The following SYT1 variants were observed in gnomAD, a reference collection of about 807,000 sequenced individuals.
SYT1 encodes the protein synaptotagmin 1.
In SYT1, 8 loss-of-function variants were observed where a neutral mutation model predicts 44.8. The observed-to-expected ratio is 0.18, with a 90% CI of 0.10 to 0.32. The LOEUF (loss-of-function observed/expected upper bound fraction) is 0.32. SYT1 is among the 10% of genes least tolerant of loss of function. The pLI is 1.00. For missense variants in SYT1, 286 were observed against 509.3 expected, an observed-to-expected ratio of 0.56 and a Z score of 4.22; for synonymous variants, 154 against 188.8, an observed-to-expected ratio of 0.82 and a Z score of 1.51.
chr12:78,967,853 G>A (rs547089445), intron 1 of SYT1, among the ~76,000 whole-genome samples: 13 of 152,252 alleles, frequency 8.5e-5, no homozygotes, highest in South Asian at 2.1e-4. Context: ...AAAATACACT[G>A]AAGTAGAACA....
At chr12:78,971,018 G>A (rs995127827) in intron 1 of SYT1, among the ~76,000 whole-genome samples, 1 of 152,134 alleles carries the variant, frequency 6.6e-6, no homozygotes, top group African/African-American at 2.4e-5. Flanking sequence ...CAAAAAGTTA[G>A]CAGGGTGTGA....
At chr12:79,004,862 C>G (rs966467844) in intron 2 of SYT1, among the ~76,000 whole-genome samples, 1 of 152,082 alleles carries the variant, frequency 6.6e-6, no homozygotes, top group Middle Eastern at 3.4e-3. Context: ...ATAGCTAACT[C>G]TAAGATCCTT....
intron 10 of SYT1, among the ~76,000 whole-genome samples, chr12:79,448,092 A>G (rs1870834766): frequency 6.6e-6 from 1 of 152,184 alleles, no homozygotes; most frequent in Admixed American, 6.5e-5. Flanking sequence ...TAAAAAGTAT[A>G]TATTTTATAC....
chr12:78,945,676 T>A (rs11112001), intron 1 of SYT1, among the ~76,000 whole-genome samples: 23,705 of 152,002 alleles, frequency 0.16, 2,151 homozygotes, highest in East Asian at 0.3. Context: ...GTTATGCTTC[T>A]TTACTAATGT....
chr12:78,905,213 A>G (rs2137109851), intron 1 of SYT1, among the ~76,000 whole-genome samples: 1 of 152,318 alleles, frequency 6.6e-6, no homozygotes, highest in Admixed American at 6.5e-5. Context: ...ATGATTTTAA[A>G]GAGATTAATT....
At chr12:79,293,646 G>A (rs932446759) in intron 6 of SYT1, among the ~76,000 whole-genome samples, 2 of 152,136 alleles carry the variant, frequency 1.3e-5, no homozygotes, top group Non-Finnish European at 2.9e-5. Context: ...TGCTGTGAGA[G>A]CTCTAAGCAG....
At chr12:79,439,019 A>C (rs1870251304) in intron 9 of SYT1, among the ~76,000 whole-genome samples, 1 of 152,220 alleles carries the variant, frequency 6.6e-6, no homozygotes, top group African/African-American at 2.4e-5. Flanking sequence ...TCACTCCAAC[A>C]ACCAATACAT....
chr12:79,450,797 T>A lies in SYT1; in HGVS notation c.*1673T>A, dbSNP rs1871015434. ...ATAGAATGGGGTGGAACACAGCATT[T>A]TGTCAAGCACTGTGCAATATTCCAT... On this transcript the variant is annotated 3_prime_UTR_variant, in exon 11 of 11. Transcript: ENST00000261205. 6.6e-6 allele frequency: 1 copy of A among 152,654 alleles called. No homozygotes were observed. Among genetic ancestry groups the A allele is most frequent in the Admixed American group, 6.5e-5 (1 of 15,286 alleles). 9.5% of individuals were successfully genotyped at this position (152,654 alleles called of 1,614,324 possible). A position where few individuals can be genotyped will look rare whatever the true frequency, so the allele number is the denominator to read the frequency against.
chr12:79,220,235 T>C (rs918161129), intron 4 of SYT1, among the ~76,000 whole-genome samples: 2 of 152,112 alleles, frequency 1.3e-5, no homozygotes, highest in African/African-American at 2.4e-5. Context: ...CCATGAGCCT[T>C]TGCATTTCTA....
chr12:78,922,796 T>C (rs2137168486), intron 1 of SYT1, among the ~76,000 whole-genome samples: 1 of 152,120 alleles, frequency 6.6e-6, no homozygotes, highest in South Asian at 2.1e-4. Flanking sequence ...TAAAGGAGTG[T>C]TCTTTTCAGT....
intron 5 of SYT1, 50 bp downstream of exon 5, chr12:79,286,021 CAAATGT>C: frequency 1.3e-6 from 2 of 1,543,536 alleles, no homozygotes; most frequent in Non-Finnish European, 1.7e-6. Flanking sequence ...AAAAGATAAA[CAAATGT>C]ATTATTTTAT....
chr12:79,030,596 A>G (rs759110418), intron 2 of SYT1, among the ~76,000 whole-genome samples: 6 of 150,948 alleles, frequency 4.0e-5, no homozygotes, highest in Non-Finnish European at 8.9e-5. Flanking sequence ...TTCCCACTCC[A>G]TCTTCTGGAT....
At chr12:78,890,051 A>C (rs1383935240) in intron 1 of SYT1, among the ~76,000 whole-genome samples, 4 of 151,986 alleles carry the variant, frequency 2.6e-5, no homozygotes, top group Non-Finnish European at 4.4e-5. Flanking sequence ...AAAAAAGTTC[A>C]AATTTTATGG....
In SYT1 at chr12:79,237,091, ACTAGCGT is replaced by A. The variant is rs1876234332; in HGVS notation, c.166+19407_166+19413del. Among the ~76,000 whole-genome samples, 3 of 152,344 alleles carry A rather than the reference ACTAGCGT, an allele frequency of 2.0e-5. No homozygotes were observed. The South Asian group carries it at 6.2e-4, about 32-fold the overall frequency. ...GCAGGACAGAGAGAACTGAAGGAACACTAGCGTGAGATAATGAAAGACTAAATTGCTA... is the reference window on the plus strand; with the variant it reads ...GCAGGACAGAGAGAACTGAAGGAACAGAGATAATGAAAGACTAAATTGCTA... On this transcript the variant is annotated intron_variant, in intron 4 of 10. Transcript: ENST00000261205.
chr12:79,131,207 A>G (rs1868797051), intron 3 of SYT1, among the ~76,000 whole-genome samples: 1 of 151,878 alleles, frequency 6.6e-6, no homozygotes, highest in African/African-American at 2.4e-5. Context: ...ATAGGTATAC[A>G]TGTGCCATGG....
At chr12:79,301,779 ATTT>A (rs1254199727) in intron 8 of SYT1, among the ~76,000 whole-genome samples, 1 of 152,032 alleles carries the variant, frequency 6.6e-6, no homozygotes, top group African/African-American at 2.4e-5. Context: ...GGAAATATTA[ATTT>A]TATCATTACA....
At chr12:79,146,966 G>A (rs1049538756) in intron 3 of SYT1, among the ~76,000 whole-genome samples, 1 of 151,988 alleles carries the variant, frequency 6.6e-6, no homozygotes, top group Non-Finnish European at 1.5e-5. Flanking sequence ...TCAGCCTCCT[G>A]ATTAGCTGGG....
intron 3 of SYT1, among the ~76,000 whole-genome samples, chr12:79,119,802 GT>G (rs971077651): frequency 9.9e-4 from 148 of 148,820 alleles, no homozygotes; most frequent in African/African-American, 2.8e-3. Context: ...TTCATAAGTT[GT>G]TTTTTTTTTC....
chr12:79,305,614 T>A (rs1395637632), intron 8 of SYT1, among the ~76,000 whole-genome samples: 1 of 152,162 alleles, frequency 6.6e-6, no homozygotes, highest in Non-Finnish European at 1.5e-5. Flanking sequence ...GGAAGGGAAC[T>A]GAGACCCAGG....
Sources: gnomAD v4.1 joint callset for allele counts (sites outside exome capture counted in the v4.1 genomes callset) on GRCh38, gnomAD v4.1.1 for gene constraint, MANE v1.5 for transcripts, NCBI Gene and HGNC (gene_info 2026-07-23, HGNC 2026-07-21) for gene names.